The following FAM185A variants were observed in gnomAD, a reference collection of about 807,000 sequenced individuals.
FAM185A encodes family with sequence similarity 185 member A, also known as protein FAM185A.
FAM185A carries 21 observed loss-of-function variants against 45.7 expected under a neutral mutation model. The observed-to-expected ratio is 0.46, with a 90% CI of 0.33 to 0.66. The LOEUF (loss-of-function observed/expected upper bound fraction) is 0.66. Ranked by LOEUF, FAM185A falls within the 30% of genes least tolerant of loss-of-function variation. FAM185A has a pLI of 0.03. For synonymous variants in FAM185A, 117 were observed against 194.0 expected (o/e 0.60, Z 3.30); for missense variants, 305 against 485.4 (o/e 0.63, Z 3.49).
chr7:102,751,051 C>T (rs2129431353), intron 1 of FAM185A, among the ~76,000 whole-genome samples: 1 of 152,252 alleles, frequency 6.6e-6, no homozygotes, highest in South Asian at 2.1e-4. Flanking sequence ...GTAGCTGGGA[C>T]TACAGGTGCA....
chr7:102,790,885 G>C (rs1436347809), intron 7 of FAM185A, among the ~76,000 whole-genome samples: 1 of 151,970 alleles, frequency 6.6e-6, no homozygotes, highest in Non-Finnish European at 1.5e-5. Flanking sequence ...AAATGTTTGA[G>C]TCAACACTGC....
downstream of FAM185A, chr7:102,809,292 C>G (rs143162904): frequency 2.6e-5 from 4 of 152,278 alleles, no homozygotes; most frequent in African/African-American, 9.6e-5. Context: ...AAAGAAACAG[C>G]TATTTTATAG....
chr7:102,804,726 A>G (rs919706535), intron 7 of FAM185A, among the ~76,000 whole-genome samples: 1 of 151,774 alleles, frequency 6.6e-6, no homozygotes, highest in Admixed American at 6.6e-5. Context: ...CAAAAGGATC[A>G]GTCAGCAGAG....
chr7:102,830,392 T>C, the FAM185A span, among the ~76,000 whole-genome samples: 1 of 152,208 alleles, frequency 6.6e-6, no homozygotes, highest in East Asian at 1.9e-4. Flanking sequence ...CATATGTCTG[T>C]GTGCTATGAA....
the FAM185A span, chr7:102,822,513 C>T: frequency 8.6e-5 from 44 of 514,306 alleles, no homozygotes; most frequent in Admixed American, 2.3e-4. Context: ...ATCATGGGAG[C>T]TCTACCCTTA....
At chr7:102,848,885 A>G in the FAM185A span, among the ~76,000 whole-genome samples, 1 of 152,068 alleles carries the variant, frequency 6.6e-6, no homozygotes, top group South Asian at 2.1e-4. Flanking sequence ...CTGTAATCCC[A>G]GCTACTCGGG....
At chr7:102,799,332 T>C (rs1041890831) in intron 7 of FAM185A, among the ~76,000 whole-genome samples, 83 of 152,082 alleles carry the variant, frequency 5.5e-4, no homozygotes, top group Non-Finnish European at 8.8e-4. Flanking sequence ...GGTCCTTGAA[T>C]ACTCAACTGT....
the FAM185A span, among the ~76,000 whole-genome samples, chr7:102,841,786 C>G: frequency 3.9e-5 from 6 of 152,160 alleles, no homozygotes; most frequent in African/African-American, 1.4e-4. Context: ...CCAGTTGATT[C>G]CAGGTGTCTT....
At chr7:102,848,892 C>T in the FAM185A span, among the ~76,000 whole-genome samples, 2 of 151,974 alleles carry the variant, frequency 1.3e-5, no homozygotes, top group Non-Finnish European at 2.9e-5. Context: ...CCCAGCTACT[C>T]GGGAGGCTGA....
intron 5 of FAM185A, 42 bp from the exon 6 acceptor site, chr7:102,777,211 C>G: frequency 6.5e-7 from 1 of 1,548,048 alleles, no homozygotes; most frequent in East Asian, 2.5e-5. Context: ...TTCCATTTAT[C>G]AAGTAAGAAT....
intron 7 of FAM185A, among the ~76,000 whole-genome samples, chr7:102,789,757 C>A (rs1356313278): frequency 1.3e-5 from 2 of 152,220 alleles, no homozygotes; most frequent in Non-Finnish European, 2.9e-5. Context: ...TGTAATAATA[C>A]TTAGCTTGAA....
At chr7:102,782,221 ACT>A (rs1183387554) in intron 6 of FAM185A, among the ~76,000 whole-genome samples, 48 of 152,338 alleles carry the variant, frequency 3.2e-4, no homozygotes, top group African/African-American at 1.1e-3. Flanking sequence ...GTTGGAAAAC[ACT>A]CTGCAGGATA....
At chr7:102,806,621 C>T (rs900423967) in intron 7 of FAM185A, among the ~76,000 whole-genome samples, 4 of 152,024 alleles carry the variant, frequency 2.6e-5, no homozygotes, top group African/African-American at 9.7e-5. Flanking sequence ...ACAAGCGGTC[C>T]CTGTTCTGTC....
chr7:102,790,721 A>G (rs964142648), intron 7 of FAM185A, among the ~76,000 whole-genome samples: 6 of 152,246 alleles, frequency 3.9e-5, no homozygotes, highest in Admixed American at 6.5e-5. Flanking sequence ...AAGTCAATAC[A>G]TGCAGACCTG....
the FAM185A span, among the ~76,000 whole-genome samples, chr7:102,833,965 A>G: frequency 6.6e-6 from 1 of 151,754 alleles, no homozygotes; most frequent in Admixed American, 6.6e-5. Flanking sequence ...AATCCACAAA[A>G]GTAAACCTAA....
In FAM185A at chr7:102,761,312, G is replaced by A. The variant is rs1584284863; in HGVS notation, c.694G>A (p.Val232Ile). ...IDKLQGSSVT[V>I]STEDGLLKAK... Reference sequence around the variant, plus strand: ...TAAACTGCAGGGAAGTTCTGTTACTGTATCTACCGAAGATGGTTTGCTGAA... The same window carrying A: ...TAAACTGCAGGGAAGTTCTGTTACTATATCTACCGAAGATGGTTTGCTGAA... The change falls in exon 4 of 8, where the codon GTA becomes ATA. Residue 232 changes from valine to isoleucine, a missense_variant. Around this residue, in one of 5 missense-constraint regions of FAM185A, gnomAD observed 44 missense variants for 66.8 expected, o/e 0.66. Transcript: ENST00000413034. 1.3e-6 allele frequency: 2 copies of A among 1,546,976 alleles called. No homozygotes were observed. The highest frequency in any genetic ancestry group is 2.5e-5 in the East Asian group (1 of 40,482).
chr7:102,755,965 A>G (rs1160921652), intron 2 of FAM185A: 1 of 488,534 alleles, frequency 2.0e-6, no homozygotes, highest in African/African-American at 1.9e-5. Context: ...TTTTCTGTAC[A>G]TAAAAATAAT....
intron 7 of FAM185A, among the ~76,000 whole-genome samples, chr7:102,801,826 G>A (rs930320104): frequency 2.6e-5 from 4 of 151,932 alleles, no homozygotes; most frequent in Admixed American, 2.6e-4. Context: ...TCGGGAGGCT[G>A]AGGCAGAATT....
intron 4 of FAM185A, among the ~76,000 whole-genome samples, chr7:102,766,602 A>C (rs1442747128): frequency 7.0e-6 from 1 of 142,120 alleles, no homozygotes; most frequent in Non-Finnish European, 1.5e-5. Context: ...AAAGTCAGAA[A>C]TAATATACAA....
Sources: gnomAD v4.1 joint callset for allele counts (sites outside exome capture counted in the v4.1 genomes callset) on GRCh38, gnomAD v4.1.1 for gene constraint, gnomAD v4.1.1 regional missense constraint, MANE v1.5 for transcripts, NCBI Gene and HGNC (gene_info 2026-07-23, HGNC 2026-07-21) for gene names.